SATB2: variants seen among roughly 807,000 people sequenced by gnomAD.
SATB2 encodes the protein SATB homeobox 2.
A neutral mutation model predicts 73.4 loss-of-function variants in SATB2; 1 was observed. The ratio of observed to expected loss-of-function variants is 0.01; its 90% CI spans 0.00 to 0.06. The LOEUF is 0.06. SATB2 is among the 10% of genes least tolerant of loss of function. The probability of loss-of-function intolerance (pLI) is 1.00; values close to 1 mark genes in which losing one functional copy is unlikely to be tolerated. For synonymous variants in SATB2, 397 were observed against 367.0 expected, an observed-to-expected ratio of 1.08 and a Z score of -0.93; for missense variants, 459 against 945.8, an observed-to-expected ratio of 0.49 and a Z score of 6.75.
At chr2:199,324,677 A>G (rs1687982930) in intron 8 of SATB2, among the ~76,000 whole-genome samples, 1 of 152,226 alleles carries the variant, frequency 6.6e-6, no homozygotes, top group Non-Finnish European at 1.5e-5. Context: ...AGGACAATAT[A>G]GAAGTCTGTA....
chr2:199,454,874 G>A (rs1420467401), intron 2 of SATB2, among the ~76,000 whole-genome samples: 1 of 152,070 alleles, frequency 6.6e-6, no homozygotes, highest in East Asian at 1.9e-4. Flanking sequence ...GTTTGCCAAG[G>A]TTTTATATCA....
chr2:199,379,455 C>T (rs1689699669), intron 5 of SATB2, among the ~76,000 whole-genome samples: 1 of 152,102 alleles, frequency 6.6e-6, no homozygotes, highest in African/African-American at 2.4e-5. Context: ...ACTCATCCAG[C>T]TGACCAAATA....
chr2:199,421,107 A>G (rs376600403), intron 3 of SATB2, among the ~76,000 whole-genome samples: 13 of 152,164 alleles, frequency 8.5e-5, no homozygotes, highest in Admixed American at 3.3e-4. Context: ...CCAGAAATAC[A>G]CTCAGAAGGG....
chr2:199,382,617 A>T (rs972109499), intron 3 of SATB2, among the ~76,000 whole-genome samples: 3 of 152,224 alleles, frequency 2.0e-5, no homozygotes, highest in Admixed American at 1.3e-4. Context: ...GGATGGTTTC[A>T]GCAACATATG....
chr2:199,315,514 T>C (rs140850660), intron 9 of SATB2, among the ~76,000 whole-genome samples: 10 of 151,738 alleles, frequency 6.6e-5, no homozygotes, highest in Non-Finnish European at 1.3e-4. Context: ...ATGAAAAGAG[T>C]GGGGTTCCTG....
At chr2:199,407,020 C>T (rs943667193) in intron 3 of SATB2, among the ~76,000 whole-genome samples, 4 of 151,964 alleles carry the variant, frequency 2.6e-5, no homozygotes, top group Non-Finnish European at 4.4e-5. Context: ...TTATTTTACA[C>T]ATGAAGTATA....
intron 2 of SATB2, among the ~76,000 whole-genome samples, chr2:199,454,855 A>C (rs1692227980): frequency 6.6e-6 from 1 of 152,210 alleles, no homozygotes; most frequent in East Asian, 1.9e-4. Context: ...GTGGGAGCTT[A>C]TCATTAAGGT....
At chr2:199,317,377 G>A (rs1228754229) in intron 9 of SATB2, among the ~76,000 whole-genome samples, 1 of 152,034 alleles carries the variant, frequency 6.6e-6, no homozygotes, top group Non-Finnish European at 1.5e-5. Flanking sequence ...TCCCTAACCA[G>A]CTGGGGAGAA....
chr2:199,382,251 G>A (rs931778790), intron 3 of SATB2, among the ~76,000 whole-genome samples: 9 of 152,258 alleles, frequency 5.9e-5, no homozygotes, highest in African/African-American at 1.2e-4. Flanking sequence ...GGCTCAGCAC[G>A]CAGTTACATC....
intron 3 of SATB2, among the ~76,000 whole-genome samples, chr2:199,408,593 A>C (rs1473200594): frequency 6.6e-6 from 1 of 152,054 alleles, no homozygotes; most frequent in East Asian, 1.9e-4. Context: ...TAAAAACCGC[A>C]ATTACTTTTG....
At chr2:199,282,210 G>T (rs1692545341) in intron 10 of SATB2, among the ~76,000 whole-genome samples, 1 of 152,068 alleles carries the variant, frequency 6.6e-6, no homozygotes, top group African/African-American at 2.4e-5. Flanking sequence ...TTTCAGATCA[G>T]TTACTATTCT....
Position 199,416,261 on chromosome 2 carries a change from A to G in SATB2, c.346+17077T>C, listed in dbSNP as rs908280098. 9.2e-5 allele frequency among the ~76,000 whole-genome samples: 14 copies of G among 152,210 alleles called. No homozygotes were observed. In the East Asian group the frequency reaches 2.7e-3, roughly 29 times the overall value. On this transcript the variant is annotated intron_variant, in intron 3 of 10. Transcript: ENST00000417098. ...ATTTTAAAAATATACAATTTTGAAA[A>G]CATTATGTACAAATCTATGAATGGG...
chr2:199,411,293 T>G (rs1690808056), intron 3 of SATB2, among the ~76,000 whole-genome samples: 1 of 152,118 alleles, frequency 6.6e-6, no homozygotes, highest in Non-Finnish European at 1.5e-5. Flanking sequence ...ACAAGCAGAA[T>G]GTACCATCCA....
rs1019763566 is a variant in SATB2, at chr2:199,464,238, C to T, written c.-141+598G>A. Reference sequence around the variant, plus strand: ...CGACTCGGGCTCAGTTCTCCCCCACCCCGTGGTGCCTTCCCTCCCCGCCCT... The same window carrying T: ...CGACTCGGGCTCAGTTCTCCCCCACTCCGTGGTGCCTTCCCTCCCCGCCCT... On this transcript the variant is annotated intron_variant, in intron 1 of 11. Coordinates refer to the SATB2 transcript ENST00000260926. The surrounding 1 kb of genome is among the most constrained non-coding windows in gnomAD (Gnocchi z 6.6). Among the ~76,000 whole-genome samples, 25 of 152,186 alleles carry T rather than the reference C, an allele frequency of 1.6e-4. No homozygotes were observed. The highest frequency in any genetic ancestry group is 2.9e-4 in the Non-Finnish European group (20 of 68,034).
chr2:199,327,892 G>T (rs1688075295), intron 8 of SATB2, among the ~76,000 whole-genome samples: 1 of 152,114 alleles, frequency 6.6e-6, no homozygotes, highest in Non-Finnish European at 1.5e-5. Flanking sequence ...TGCTTCCACT[G>T]CAAGTGTTCC....
chr2:199,441,461 C>G (rs796202499), intron 2 of SATB2, among the ~76,000 whole-genome samples: 1 of 151,980 alleles, frequency 6.6e-6, no homozygotes, highest in Non-Finnish European at 1.5e-5. Flanking sequence ...ATAATAAACT[C>G]CTTGATGGCT....
At chr2:199,351,096 C>T (rs1350313551) in intron 6 of SATB2, among the ~76,000 whole-genome samples, 1 of 148,154 alleles carries the variant, frequency 6.7e-6, no homozygotes, top group Non-Finnish European at 1.5e-5. Flanking sequence ...CCAAATAAGT[C>T]AAGAGTTTAC....
At chr2:199,402,466 G>C (rs1690511562) in intron 3 of SATB2, among the ~76,000 whole-genome samples, 2 of 152,142 alleles carry the variant, frequency 1.3e-5, no homozygotes, top group South Asian at 2.1e-4. Context: ...GCTGAGGCAG[G>C]AGAATCGCTG....
At chr2:199,361,706 A>AT (rs1045100281) in intron 6 of SATB2, among the ~76,000 whole-genome samples, 4 of 150,096 alleles carry the variant, frequency 2.7e-5, no homozygotes, top group African/African-American at 9.8e-5. Context: ...TCTCAGCCTT[A>AT]TTTTTCATTG....
Sources: allele counts gnomAD v4.1 joint callset (sites outside exome capture counted in the v4.1 genomes callset), GRCh38; gene constraint gnomAD v4.1.1; non-coding constraint Gnocchi (gnomAD v3.1); transcripts MANE v1.5; gene names NCBI Gene and HGNC (gene_info 2026-07-23, HGNC 2026-07-21).